NHSL1: variants seen among roughly 807,000 people sequenced by gnomAD.
NHSL1 encodes the protein NHS-like protein 1.
Under a neutral mutation model 95.0 loss-of-function variants are expected in NHSL1, and 48 were observed. The ratio of observed to expected loss-of-function variants is 0.51; its 90% CI spans 0.40 to 0.64. The LOEUF is 0.64. Among genes scored for constraint, NHSL1 ranks in the 30% least tolerant of loss-of-function variants. The pLI, the probability that NHSL1 is intolerant of heterozygous loss-of-function variation, is 0.00. For synonymous variants in NHSL1, 783 were observed against 833.9 expected, an observed-to-expected ratio of 0.94 and a Z score of 1.05; for missense variants, 1,971 against 2,077.7, an observed-to-expected ratio of 0.95 and a Z score of 1.00.
chr6:138,564,016 C>T (rs115366060), intron 1 of NHSL1, among the ~76,000 whole-genome samples: 1,736 of 152,300 alleles, frequency 0.011, 35 homozygotes, highest in African/African-American at 0.039. Flanking sequence ...AATTCCATAT[C>T]TCTGTTCACT....
intron 1 of NHSL1, among the ~76,000 whole-genome samples, chr6:138,588,268 G>A (rs1184441689): frequency 2.0e-5 from 3 of 152,186 alleles, no homozygotes; most frequent in African/African-American, 7.2e-5. Flanking sequence ...TTCAAGACCA[G>A]CCTGGGCAAC....
chr6:138,485,447 A>T lies in NHSL1; in HGVS notation c.211+10772T>A, dbSNP rs1380579075. Among the ~76,000 whole-genome samples, 3 of 67,222 alleles carry T rather than the reference A, an allele frequency of 4.5e-5. No homozygotes were observed. The East Asian group carries it at 1.4e-3, about 31-fold the overall frequency. 44.1% of individuals were successfully genotyped at this position (67,222 alleles called of 152,430 possible). A position where few individuals can be genotyped will look rare whatever the true frequency, so the allele number is the denominator to read the frequency against. On this transcript the variant is annotated intron_variant, in intron 2 of 7. Coordinates refer to ENST00000343505, the MANE Select transcript of NHSL1 (RefSeq NM_001144060.2). ...TATCTTTTCTGTGTTGCTTACCGTT[A>T]AAAAAAAAAAAAAAAAAAAAGGTAT...
chr6:138,541,806 A>G (rs1782591878), intron 1 of NHSL1, among the ~76,000 whole-genome samples: 1 of 152,130 alleles, frequency 6.6e-6, no homozygotes, highest in Admixed American at 6.5e-5. Context: ...TACATTTTCA[A>G]CTCTTCTACC....
At chr6:138,628,456 C>T (rs1284430361) in intron 1 of NHSL1, among the ~76,000 whole-genome samples, 2 of 152,126 alleles carry the variant, frequency 1.3e-5, no homozygotes, top group Non-Finnish European at 2.9e-5. Flanking sequence ...TTTTGAGTTA[C>T]TGTATGGAGC....
intron 1 of NHSL1, among the ~76,000 whole-genome samples, chr6:138,568,398 C>A (rs1434083046): frequency 1.3e-5 from 2 of 152,210 alleles, no homozygotes; most frequent in Non-Finnish European, 2.9e-5. Context: ...CTCACAACTT[C>A]ACGTGAAAAG....
At chr6:138,533,815 G>C in intron 1 of NHSL1, among the ~76,000 whole-genome samples, 1 of 152,126 alleles carries the variant, frequency 6.6e-6, no homozygotes, top group East Asian at 1.9e-4. Flanking sequence ...GCTTGAGAAG[G>C]GCCAACAGGC....
chr6:138,541,332 A>T (rs992693196), intron 1 of NHSL1, among the ~76,000 whole-genome samples: 3 of 152,198 alleles, frequency 2.0e-5, no homozygotes, highest in African/African-American at 7.2e-5. Context: ...GCACTACTGC[A>T]CTCCAGCCTG....
At chr6:138,578,892 T>C (rs1248777598) in intron 1 of NHSL1, among the ~76,000 whole-genome samples, 1 of 152,190 alleles carries the variant, frequency 6.6e-6, no homozygotes, top group Non-Finnish European at 1.5e-5. Context: ...AGCTCATCTG[T>C]CATCTTCCTG....
chr6:138,439,638 G>A (rs1776402557), intron 5 of NHSL1, among the ~76,000 whole-genome samples: 1 of 152,172 alleles, frequency 6.6e-6, no homozygotes, highest in Non-Finnish European at 1.5e-5. Flanking sequence ...TAAAACCACA[G>A]TCCTTGTCTA....
upstream of NHSL1, among the ~76,000 whole-genome samples, chr6:138,549,705 T>G (rs1782930326): frequency 6.6e-6 from 1 of 152,208 alleles, no homozygotes; most frequent in Non-Finnish European, 1.5e-5. Context: ...GGGCATGATT[T>G]GTTTTTCTTT....
intron 1 of NHSL1, among the ~76,000 whole-genome samples, chr6:138,529,835 T>C (rs906684537): frequency 1.2e-4 from 18 of 152,300 alleles, no homozygotes; most frequent in East Asian, 5.8e-4. Context: ...CTAATCTCCC[T>C]TGGGTAAGGT....
chr6:138,572,847 G>GTAGA (rs60380179), upstream of NHSL1, among the ~76,000 whole-genome samples: 27,528 of 149,718 alleles, frequency 0.18, 2,644 homozygotes, highest in South Asian at 0.25. Context: ...GCTTAATACA[G>GTAGA]TAGATAGATA....
chr6:138,449,718 T>C (rs535872948), intron 3 of NHSL1, among the ~76,000 whole-genome samples: 19 of 152,178 alleles, frequency 1.2e-4, no homozygotes, highest in Non-Finnish European at 2.1e-4. Context: ...GGTGCTGATA[T>C]AAATATGACT....
intron 5 of NHSL1, among the ~76,000 whole-genome samples, chr6:138,437,554 TAA>T (rs1776269925): frequency 6.6e-6 from 1 of 151,628 alleles, no homozygotes; most frequent in Admixed American, 6.6e-5. Context: ...GCCCATGGCT[TAA>T]AGAGTAATTT....
intron 3 of NHSL1, among the ~76,000 whole-genome samples, chr6:138,460,126 CT>C (rs1158609833): frequency 6.6e-6 from 1 of 152,126 alleles, no homozygotes; most frequent in African/African-American, 2.4e-5. Context: ...TTGGACTTAC[CT>C]ACTCTTTAAA....
chr6:138,440,565 G>A (rs1313900808), intron 5 of NHSL1, among the ~76,000 whole-genome samples: 4 of 151,822 alleles, frequency 2.6e-5, no homozygotes, highest in African/African-American at 7.3e-5. Flanking sequence ...GCTGCCTGCG[G>A]CAAAGGCAGA....
chr6:138,588,951 C>T (rs1319084171), intron 1 of NHSL1, among the ~76,000 whole-genome samples: 1 of 152,130 alleles, frequency 6.6e-6, no homozygotes, highest in Non-Finnish European at 1.5e-5. Context: ...ATGGAGCCAC[C>T]CTCAGAACAC....
intron 1 of NHSL1, among the ~76,000 whole-genome samples, chr6:138,652,535 T>C (rs1294684664): frequency 1.3e-5 from 2 of 152,150 alleles, no homozygotes; most frequent in East Asian, 3.8e-4. Flanking sequence ...AAATCATGTT[T>C]CCATTCATAT....
chr6:138,430,904 C>G lies in NHSL1; in HGVS notation c.3441G>C (p.Gln1147His). 6.4e-7 allele frequency: 1 copy of G among 1,551,540 alleles called. No homozygotes were observed. The highest frequency in any genetic ancestry group is 8.7e-7 in the Non-Finnish European group (1 of 1,146,848). ...GCTCAGCCGCACTGCCATGGTCACC[C>G]TGACTCGAGCTCTTGGCAGGCGTCG... ...SLPTPAKSSS[Q>H]GDHGSAAERG... Residue 1147 changes from glutamine (Q) to histidine (H), a missense_variant, in exon 6 of 8, where the codon CAG (glutamine) becomes CAC (histidine). Transcript: ENST00000343505. The surrounding 1 kb of genome is among the most constrained non-coding windows in gnomAD (Gnocchi z 4.7).
Sources: gnomAD v4.1 joint callset for allele counts (sites outside exome capture counted in the v4.1 genomes callset) on GRCh38, gnomAD v4.1.1 for gene constraint, Gnocchi (gnomAD v3.1) non-coding constraint, MANE v1.5 for transcripts, NCBI Gene and HGNC (gene_info 2026-07-23, HGNC 2026-07-21) for gene names.